SUGP1: variants seen among roughly 807,000 people sequenced by gnomAD.
SUGP1 encodes the protein SURP and G-patch domain containing 1, also known as SURP and G-patch domain-containing protein 1.
Under a neutral mutation model 76.5 loss-of-function variants are expected in SUGP1, and 34 were observed. That is an observed-to-expected ratio of 0.44 (90% CI 0.34 to 0.59). The LOEUF is 0.59. Among genes scored for constraint, SUGP1 ranks in the 20% least tolerant of loss-of-function variants. The pLI is 0.01. For missense variants in SUGP1, 752 were observed against 851.7 expected, an observed-to-expected ratio of 0.88 and a Z score of 1.46; for synonymous variants, 326 against 326.2, an observed-to-expected ratio of 1.00 and a Z score of 0.01.
intron 7 of SUGP1, among the ~76,000 whole-genome samples, chr19:19,297,825 T>C (rs2061240446): frequency 1.3e-5 from 2 of 152,084 alleles, no homozygotes; most frequent in African/African-American, 4.8e-5. Flanking sequence ...CTACCCCACG[T>C]GGGGGCAGGC....
intron 11 of SUGP1, among the ~76,000 whole-genome samples, chr19:19,278,226 G>A (rs1431673727): frequency 6.6e-6 from 1 of 152,104 alleles, no homozygotes; most frequent in Non-Finnish European, 1.5e-5. Context: ...AATAAGAGAT[G>A]GACAACGAGG....
chr19:19,300,666 G>T (rs931096939), intron 7 of SUGP1, among the ~76,000 whole-genome samples: 1 of 152,182 alleles, frequency 6.6e-6, no homozygotes, highest in Non-Finnish European at 1.5e-5. Flanking sequence ...TTCTTTCCTG[G>T]TCCGGCTCTG....
intron 5 of SUGP1, 26 bp downstream of exon 5, chr19:19,303,698 G>C (rs747312038): frequency 6.2e-7 from 1 of 1,613,662 alleles, no homozygotes; most frequent in East Asian, 2.2e-5. Flanking sequence ...CAACAGCACA[G>C]CCTTCCCTTC....
Position 19,277,251 on chromosome 19 carries a change from C to CGG in SUGP1, c.1782-177_1782-176dup, listed in dbSNP as rs3214183. ...AAGGAGGGGAGACCCCCGGGGCGGG[C>CGG]GGGGGGGGGGGGCCTAGGCCCCAGG... is the stretch of plus-strand genomic sequence containing the variant. On this transcript the variant is annotated intron_variant, in intron 12 of 13. Coordinates refer to ENST00000247001, the MANE Select transcript of SUGP1 (RefSeq NM_172231.4). Among the ~76,000 whole-genome samples the CGG allele has an allele frequency of 1.2e-3, 116 of 96,948 alleles. 2 individuals carry two copies. Among genetic ancestry groups the CGG allele is most frequent in the Admixed American group, 1.6e-3 (16 of 9,804 alleles). 63.6% of individuals were successfully genotyped at this position (96,948 alleles called of 152,430 possible). A position where few individuals can be genotyped will look rare whatever the true frequency, so the allele number is the denominator to read the frequency against.
rs1295042647 is a variant in SUGP1 at position 19,279,301 on chromosome 19, C to T, written c.1440G>A (p.Gln480=). ...CCTCCTCATCACTGTCATAGCCGTGCTGGTGCTGTTGGACTGCCTTCTCCC... is the reference window on the plus strand; with the variant it reads ...CCTCCTCATCACTGTCATAGCCGTGTTGGTGCTGTTGGACTGCCTTCTCCC... ...LLWEKAVQQH[Q]HGYDSDEEVD... is the part of the protein sequence containing the mutation. The change falls in exon 10 of 14, where the codon CAG becomes CAA. Residue 480 remains glutamine, a synonymous_variant. Transcript: ENST00000247001. 1 of 1,611,334 alleles carries T rather than the reference C, an allele frequency of 6.2e-7. No individual in the cohort carries two copies. The highest frequency in any genetic ancestry group is 1.7e-5 in the Admixed American group (1 of 59,978).
intron 8 of SUGP1, among the ~76,000 whole-genome samples, chr19:19,284,995 G>A (rs1055143097): frequency 1.3e-5 from 2 of 151,648 alleles, no homozygotes; most frequent in Non-Finnish European, 2.9e-5. Flanking sequence ...AGCCTCCCGA[G>A]TAGCTGGGAC....
chr19:19,298,834 G>T (rs545833931), intron 7 of SUGP1, among the ~76,000 whole-genome samples: 1 of 152,290 alleles, frequency 6.6e-6, no homozygotes, highest in African/African-American at 2.4e-5. Context: ...CAGGCATCGG[G>T]GTGTGGGGGC....
In SUGP1 at chr19:19,305,982, C is replaced by T; in HGVS notation, c.405G>A (p.Gly135=). The T allele has an allele frequency of 6.2e-7, 1 of 1,611,892 alleles. No homozygotes were observed. Among genetic ancestry groups the T allele is most frequent in the African/African-American group, 1.3e-5 (1 of 75,042 alleles). Residue 135 remains glycine, a synonymous_variant, in exon 4 of 14, where the codon GGG becomes GGA. Coordinates refer to ENST00000247001, the MANE Select transcript of SUGP1 (RefSeq NM_172231.4). ...SLLISRRTGL[G]LASLPGPVKS... ...TCACAGGGCCCGGCAGGCTGGCCAG[C>T]CCCAGGCCTGTCCGCCTGCTGATGA...
At chr19:19,314,255 G>A (rs142836829) in intron 2 of SUGP1, among the ~76,000 whole-genome samples, 102 of 152,100 alleles carry the variant, frequency 6.7e-4, no homozygotes, top group African/African-American at 2.2e-3. Flanking sequence ...TCCAACAGGC[G>A]GAGGTTGTAG....
intron 8 of SUGP1, among the ~76,000 whole-genome samples, chr19:19,282,806 G>T (rs974146959): frequency 2.0e-5 from 3 of 152,172 alleles, no homozygotes; most frequent in African/African-American, 4.8e-5. Flanking sequence ...GGCCAGGCAC[G>T]GCGGCTCACG....
chr19:19,303,654 A>G, intron 5 of SUGP1, 70 bp downstream of exon 5: 1 of 1,581,548 alleles, frequency 6.3e-7, no homozygotes, highest in Non-Finnish European at 8.7e-7. Context: ...GCAAGCACCC[A>G]GCCCCACACG....
intron 11 of SUGP1, 132 bp downstream of exon 11, chr19:19,278,558 T>C (rs567893679): frequency 4.2e-6 from 3 of 718,392 alleles, no homozygotes; most frequent in South Asian, 3.6e-5. Flanking sequence ...AGATGCCTCC[T>C]GCAGCGAAAA....
chr19:19,282,886 G>A (rs1224168992), intron 8 of SUGP1, among the ~76,000 whole-genome samples: 2 of 152,128 alleles, frequency 1.3e-5, no homozygotes, highest in East Asian at 3.8e-4. Flanking sequence ...GACCATCCTG[G>A]CTAACACGGT....
At chr19:19,280,944 G>A (rs2061093933) in intron 8 of SUGP1, 1 of 152,312 alleles carries the variant, frequency 6.6e-6, no homozygotes, top group Non-Finnish European at 1.5e-5. Flanking sequence ...CTTCCCGGGG[G>A]AGAAGGTGAG....
Position 19,303,412 on chromosome 19 carries a change from G to A in SUGP1, c.699C>T (p.Tyr233=), listed in dbSNP as rs1568630534. The A allele has an allele frequency of 2.5e-6, 4 of 1,614,162 alleles. No homozygotes were observed. The highest frequency in any genetic ancestry group is 2.5e-6 in the Non-Finnish European group (3 of 1,180,024). ...LHDKNSREFL[Y]YRKKVAEIRK... is the part of the protein sequence containing the mutation. ...TTATCTCAGCCACCTTCTTCCTGTA[G>A]TAGAGGAATTCCCTGCTATTCTTAT... Residue 233 remains tyrosine, a synonymous_variant, in exon 6 of 14, where the codon TAC becomes TAT. Transcript: ENST00000247001.
chr19:19,290,943 C>G (rs1282435635), intron 8 of SUGP1, among the ~76,000 whole-genome samples: 1 of 151,928 alleles, frequency 6.6e-6, no homozygotes, highest in Non-Finnish European at 1.5e-5. Context: ...ATGGTGAAAC[C>G]CCGTCTCTAC....
intron 2 of SUGP1, among the ~76,000 whole-genome samples, chr19:19,311,210 G>A (rs114265153): frequency 0.021 from 3,182 of 152,012 alleles, 116 homozygotes; most frequent in African/African-American, 0.073. Context: ...TTTTTTGACA[G>A]GCATGAAGGG....
chr19:19,287,362 A>G (rs1230005326), intron 8 of SUGP1, among the ~76,000 whole-genome samples: 2 of 152,148 alleles, frequency 1.3e-5, no homozygotes, highest in African/African-American at 2.4e-5. Flanking sequence ...GGAGTTTGAG[A>G]TCAGCGTGGG....
intron 8 of SUGP1, among the ~76,000 whole-genome samples, chr19:19,290,768 G>A (rs1470356418): frequency 1.3e-5 from 2 of 152,162 alleles, no homozygotes; most frequent in Admixed American, 1.3e-4. Context: ...ATAGATTACT[G>A]ACAAAGCTAA....
Sources: allele counts gnomAD v4.1 joint callset (sites outside exome capture counted in the v4.1 genomes callset), GRCh38; gene constraint gnomAD v4.1.1; transcripts MANE v1.5; gene names NCBI Gene and HGNC (gene_info 2026-07-23, HGNC 2026-07-21).